The following C16orf96 variants were observed in gnomAD, a reference collection of about 807,000 sequenced individuals.
C16orf96 encodes uncharacterized protein C16orf96.
In C16orf96, 108 loss-of-function variants were observed where a neutral mutation model predicts 103.6. The observed-to-expected ratio is 1.04, with a 90% CI of 0.89 to 1.22. The LOEUF (loss-of-function observed/expected upper bound fraction) is 1.22, where lower values mean the gene tolerates loss of function less well. C16orf96 is among the 50% of genes most tolerant of loss of function. The pLI, the probability that C16orf96 is intolerant of heterozygous loss-of-function variation, is 0.00. For missense variants in C16orf96, 1,586 were observed against 1,464.2 expected (o/e 1.08, Z -1.36); for synonymous variants, 566 against 593.5 (o/e 0.95, Z 0.67).
rs187202760 is a variant in C16orf96 at position 4,579,064 on chromosome 16, G to A, written c.2241+39G>A. 325 of 1,526,480 alleles carry A rather than the reference G, an allele frequency of 2.1e-4. 1 individual carries two copies. Among genetic ancestry groups the A allele is most frequent in the Non-Finnish European group, 1.2e-4 (139 of 1,124,528 alleles). 94.6% of individuals were successfully genotyped at this position (1,526,480 alleles called of 1,614,324 possible). On this transcript the variant is annotated intron_variant, in intron 6 of 15. Transcript: ENST00000444310. ...GCGAAGGGCTTTTGAGGCAGTGATG[G>A]CTTGAGGTGAGCTGGCTGAAGACTC...
In C16orf96 at chr16:4,594,387, C is replaced by T. The variant is rs1244472974; in HGVS notation, c.2904C>T (p.Ile968=). 6.5e-7 allele frequency: 1 copy of T among 1,549,158 alleles called. No homozygotes were observed. The highest frequency in any genetic ancestry group is 8.7e-7 in the Non-Finnish European group (1 of 1,146,768). The change falls in exon 13 of 16, where the codon ATC becomes ATT. Residue 968 remains isoleucine, a synonymous_variant. Coordinates refer to ENST00000444310, the MANE Select transcript of C16orf96 (RefSeq NM_001145011.2). ...GGCTGCAGCTCCAGGACCTCGGTAT[C>T]CAGGAGGATTGTCAGCAGGACTGGG... ...QQWLQLQDLG[I]QEDCQQDWGD...
intron 13 of C16orf96, 94 bp downstream of exon 13, chr16:4,594,604 G>T: frequency 6.5e-7 from 1 of 1,536,808 alleles, no homozygotes; most frequent in Non-Finnish European, 8.8e-7. Context: ...GGCAACCCCA[G>T]CAGAGGCTGC....
Position 4,565,935 on chromosome 16 carries a change from T to TG in C16orf96, c.421-5624dup, listed in dbSNP as rs530323056. On this transcript the variant is annotated intron_variant, in intron 1 of 15. Coordinates refer to ENST00000444310, the MANE Select transcript of C16orf96 (RefSeq NM_001145011.2). ...ATAGCTCACTGCAGCCTCAAACTCC[T>TG]GGTCTCAAGCGATCCTCCCATCTCT... is the stretch of plus-strand genomic sequence containing the variant. Among the ~76,000 whole-genome samples, 444 of 152,338 alleles carry TG rather than the reference T, an allele frequency of 2.9e-3. 4 individuals carry two copies. The highest frequency in any genetic ancestry group is 9.5e-3 in the African/African-American group (394 of 41,582).
At chr16:4,577,932 A>G (rs1261690995) in intron 5 of C16orf96, among the ~76,000 whole-genome samples, 4 of 152,194 alleles carry the variant, frequency 2.6e-5, no homozygotes, top group African/African-American at 9.6e-5. Flanking sequence ...CGCCTGGGCG[A>G]TAGCGAGACT....
At chr16:4,568,227 T>C (rs1179481935) in intron 1 of C16orf96, among the ~76,000 whole-genome samples, 1 of 152,154 alleles carries the variant, frequency 6.6e-6, no homozygotes, top group Admixed American at 6.5e-5. Flanking sequence ...TCTAATTTAA[T>C]TCCATTGTGG....
rs1359194999 is a variant in C16orf96 at position 4,563,046 on chromosome 16, A to G, written c.420+6137A>G. 2.3e-5 allele frequency: 21 copies of G among 896,380 alleles called. No individual in the cohort carries two copies. The Admixed American group carries it at 4.0e-4, about 17-fold the overall frequency. The allele number at this position is 896,380 out of a possible 1,614,324, so 55.5% of individuals were successfully genotyped here. A position where few individuals can be genotyped will look rare whatever the true frequency, so the allele number is the denominator to read the frequency against. ...GCTGCTGCTCCTCTGTCAGAAGATG[A>G]CAGAGCTCTCCAAGTTTCGCCTGTC... On this transcript the variant is annotated intron_variant, in intron 1 of 15. Coordinates refer to ENST00000444310, the MANE Select transcript of C16orf96 (RefSeq NM_001145011.2).
the C16orf96 span, among the ~76,000 whole-genome samples, chr16:4,541,467 G>A: frequency 6.6e-6 from 1 of 152,182 alleles, no homozygotes; most frequent in Non-Finnish European, 1.5e-5. Flanking sequence ...CCAGCCACTC[G>A]GGAGGCTGAG....
chr16:4,600,319 C>G lies in C16orf96; in HGVS notation c.*2C>G. ...CCCGAGGAGCCCGCCAACCCGTGAG[C>G]CCCACCCCGCTGCGCCCCCCATCGC... On this transcript the variant is annotated 3_prime_UTR_variant, in exon 16 of 16. Transcript: ENST00000444310. The G allele has an allele frequency of 1.3e-6, 2 of 1,544,658 alleles. No individual in the cohort carries two copies. The highest frequency in any genetic ancestry group is 1.7e-6 in the Non-Finnish European group (2 of 1,143,968).
In C16orf96 at chr16:4,576,272, G is replaced by C. The variant is rs2141722087; in HGVS notation, c.1792G>C (p.Asp598His). 3.9e-6 allele frequency: 6 copies of C among 1,550,748 alleles called. No homozygotes were observed. The highest frequency in any genetic ancestry group is 5.2e-6 in the Non-Finnish European group (6 of 1,146,996). Residue 598 changes from aspartate to histidine, a missense_variant, in exon 5 of 16, where the codon GAT (aspartate) becomes CAT (histidine). Asp to His is a moderately conservative substitution (Grantham distance 81). Transcript: ENST00000444310. Reference protein sequence around the residue: ...AAKVAAKFVKDAPATKMAAIA... With the variant: ...AAKVAAKFVKHAPATKMAAIA... Reference sequence around the variant, plus strand: ...CAAAGTTGCTGCCAAGTTTGTCAAGGATGCCCCAGCCACCAAAATGGCCGC... The same window carrying C: ...CAAAGTTGCTGCCAAGTTTGTCAAGCATGCCCCAGCCACCAAAATGGCCGC...
At chr16:4,578,907 G>A (rs1220658241) in intron 5 of C16orf96, 33 bp from the exon 6 acceptor site, 8 of 1,520,704 alleles carry the variant, frequency 5.3e-6, no homozygotes, top group African/African-American at 1.4e-5. Flanking sequence ...CTCCATCCGA[G>A]CCCTCAGCAG....
the C16orf96 span, among the ~76,000 whole-genome samples, chr16:4,547,458 T>G: frequency 6.7e-6 from 1 of 148,746 alleles, no homozygotes; most frequent in Non-Finnish European, 1.5e-5. Context: ...TGATTCAGTT[T>G]ACATTAAATG....
Position 4,576,243 on chromosome 16 carries a change from C to A in C16orf96, c.1763C>A (p.Ala588Glu). The A allele has an allele frequency of 2.6e-6, 4 of 1,550,828 alleles. No individual in the cohort carries two copies. The highest frequency in any genetic ancestry group is 3.5e-6 in the Non-Finnish European group (4 of 1,147,006). ...GCTGCCACATCCTCCGCTGCCCAGG[C>A]AGCCAAAGTTGCTGCCAAGTTTGTC... is the stretch of plus-strand genomic sequence containing the variant. ...YAAATSSAAQAAKVAAKFVKD... is the reference protein window; with the variant it reads ...YAAATSSAAQEAKVAAKFVKD... Residue 588 changes from alanine (A) to glutamate (E), a missense_variant, in exon 5 of 16, where the codon GCA becomes GAA. Physicochemically the swap from Ala to Glu is moderately radical, Grantham distance 107. Coordinates refer to ENST00000444310, the MANE Select transcript of C16orf96 (RefSeq NM_001145011.2).
At chr16:4,579,908 G>C in intron 6 of C16orf96, 107 bp from the exon 7 acceptor site, 1 of 941,150 alleles carries the variant, frequency 1.1e-6, no homozygotes, top group Non-Finnish European at 1.6e-6. Flanking sequence ...ACCACGCCCA[G>C]CCTGGTCTGG....
At chr16:4,570,132 G>A (rs369533997) in intron 1 of C16orf96, among the ~76,000 whole-genome samples, 58 of 152,172 alleles carry the variant, frequency 3.8e-4, no homozygotes, top group African/African-American at 1.3e-3. Flanking sequence ...TTTGAATTAC[G>A]GAGACGGGAT....
the C16orf96 span, among the ~76,000 whole-genome samples, chr16:4,542,802 A>G: frequency 6.6e-6 from 1 of 152,214 alleles, no homozygotes; most frequent in East Asian, 1.9e-4. Flanking sequence ...TCTCAAAAAA[A>G]AAAATTATCA....
Position 4,576,375 on chromosome 16 carries a change from C to A in C16orf96, c.1895C>A (p.Ala632Asp). The A allele has an allele frequency of 6.4e-7, 1 of 1,550,996 alleles. No homozygotes were observed. Among genetic ancestry groups the A allele is most frequent in the Non-Finnish European group, 8.7e-7 (1 of 1,147,004 alleles). ...DVLGAGPSRG[A>D]TESQILGDDS... is the part of the protein sequence containing the mutation. ...CTGGGTGCAGGGCCTTCCCGGGGAG[C>A]CACAGAATCCCAGATCTTGGGCGAT... The change falls in exon 5 of 16, where the codon GCC (alanine) becomes GAC (aspartate). Residue 632 changes from alanine (A) to aspartate (D), a missense_variant. Coordinates refer to ENST00000444310, the MANE Select transcript of C16orf96 (RefSeq NM_001145011.2).
At chr16:4,595,018 C>T (rs903606928) in intron 14 of C16orf96, among the ~76,000 whole-genome samples, 1 of 152,168 alleles carries the variant, frequency 6.6e-6, no homozygotes, top group Non-Finnish European at 1.5e-5. Context: ...CTGCTGTTCC[C>T]GAGATCAACA....
intron 7 of C16orf96, among the ~76,000 whole-genome samples, chr16:4,584,230 C>T (rs549785339): frequency 1.3e-5 from 2 of 152,168 alleles, no homozygotes; most frequent in African/African-American, 4.8e-5. Context: ...CTCTGTCCCC[C>T]AGGCTGGAGT....
chr16:4,599,350 G>A lies in C16orf96; in HGVS notation c.3194G>A (p.Gly1065Asp), dbSNP rs1407051452. ...YDRVHSSALF[G>D]AICPPLCPRS... is the part of the protein sequence containing the mutation. ...CGTGTGCACTCCAGTGCCCTATTTGGCGCCATCTGCCCCCGTGAGTACCTG... is the reference window on the plus strand; with the variant it reads ...CGTGTGCACTCCAGTGCCCTATTTGACGCCATCTGCCCCCGTGAGTACCTG... Residue 1065 changes from glycine to aspartate, a missense_variant, in exon 15 of 16, where the codon GGC becomes GAC. Gly to Asp is a moderately conservative substitution (Grantham distance 94). Coordinates refer to ENST00000444310, the MANE Select transcript of C16orf96 (RefSeq NM_001145011.2). 1 of 1,551,620 alleles carries A rather than the reference G, an allele frequency of 6.4e-7. No individual in the cohort carries two copies. Among genetic ancestry groups the A allele is most frequent in the African/African-American group, 1.4e-5 (1 of 73,156 alleles).
Sources: allele counts gnomAD v4.1 joint callset (sites outside exome capture counted in the v4.1 genomes callset), GRCh38; gene constraint gnomAD v4.1.1; transcripts MANE v1.5; gene names NCBI Gene and HGNC (gene_info 2026-07-23, HGNC 2026-07-21).